PTP4A1: variants seen among roughly 807,000 people sequenced by gnomAD.
The protein encoded by PTP4A1 is protein tyrosine phosphatase type IVA 1.
A neutral mutation model predicts 20.5 loss-of-function variants in PTP4A1; 9 were observed. That is an observed-to-expected ratio of 0.44 (90% CI 0.26 to 0.77). The LOEUF is 0.77. Ranked by LOEUF, PTP4A1 falls within the 30% of genes least tolerant of loss-of-function variation. The pLI is 0.19. For synonymous variants in PTP4A1, 78 were observed against 67.4 expected, an observed-to-expected ratio of 1.16 and a Z score of -0.77; for missense variants, 137 against 218.8, an observed-to-expected ratio of 0.63 and a Z score of 2.36.
chr6:63,539,431 CATT>C (rs1337017129), intron 2 of PTP4A1, among the ~76,000 whole-genome samples: 3 of 152,144 alleles, frequency 2.0e-5, no homozygotes, highest in Non-Finnish European at 2.9e-5. Context: ...CATGTTTAAT[CATT>C]ATTCTTTATG....
At position 63,580,182 on chromosome 6, in the gene PTP4A1, G is replaced by T. The variant is rs1258211789; in HGVS notation, c.*8G>T. 19 of 1,586,180 alleles carry T rather than the reference G, an allele frequency of 1.2e-5. No homozygotes were observed. The highest frequency in any genetic ancestry group is 5.0e-5 in the Admixed American group (3 of 59,810). The stretch of plus-strand genomic sequence containing the variant: ...AACTGTTGCATTCAATAAAATTGGG[G>T]TGCCTAATGCTACTGGAAGTGGAAC... On this transcript the variant is annotated 3_prime_UTR_variant, in exon 6 of 6. Transcript: ENST00000626021.
At chr6:63,555,696 T>C (rs1562122817) in intron 3 of PTP4A1, among the ~76,000 whole-genome samples, 1 of 149,938 alleles carries the variant, frequency 6.7e-6, no homozygotes, top group African/African-American at 2.5e-5. Context: ...TACACTCTTT[T>C]TTTTTTTTTT....
chr6:63,540,032 C>T lies in PTP4A1; in HGVS notation c.-639-10268C>T, dbSNP rs79263446. Reference sequence around the variant, plus strand: ...GACACTGATACAGCCATCCAGAAGACAATCTAGAGTTTCTTGGTCAAATCA... The same window carrying T: ...GACACTGATACAGCCATCCAGAAGATAATCTAGAGTTTCTTGGTCAAATCA... On this transcript the variant is annotated intron_variant, in intron 2 of 3. Transcript: ENST00000639568. Among the ~76,000 whole-genome samples the T allele has an allele frequency of 5.1e-3, 782 of 152,258 alleles. 5 individuals carry two copies. Among genetic ancestry groups the T allele is most frequent in the African/African-American group, 0.018 (749 of 41,534 alleles).
At chr6:63,579,228 A>G in intron 4 of PTP4A1, 29 bp from the exon 5 acceptor site, 2 of 1,568,736 alleles carry the variant, frequency 1.3e-6, no homozygotes, top group South Asian at 1.2e-5. Context: ...TTTTGAAAAA[A>G]CTATTTATCA....
At chr6:63,574,045 T>C (rs1455862450) in intron 1 of PTP4A1, among the ~76,000 whole-genome samples, 1 of 152,162 alleles carries the variant, frequency 6.6e-6, no homozygotes, top group Non-Finnish European at 1.5e-5. Flanking sequence ...TATTAAGTTA[T>C]TTACACTACG....
At chr6:63,533,079 T>C (rs1174625259) in intron 2 of PTP4A1, among the ~76,000 whole-genome samples, 3 of 152,050 alleles carry the variant, frequency 2.0e-5, no homozygotes, top group Admixed American at 1.3e-4. Context: ...AGAGACTTGA[T>C]AGATTAAAAG....
intron 3 of PTP4A1, among the ~76,000 whole-genome samples, chr6:63,557,584 A>C (rs1776746134): frequency 6.6e-6 from 1 of 152,116 alleles, no homozygotes; most frequent in African/African-American, 2.4e-5. Flanking sequence ...AAAAATATAA[A>C]TTAATACTAG....
At chr6:63,534,688 C>T (rs2800038) in intron 2 of PTP4A1, among the ~76,000 whole-genome samples, 70,987 of 151,340 alleles carry the variant, frequency 0.47, 17,007 homozygotes, top group African/African-American at 0.54. Context: ...TGGCTCATGC[C>T]TGTAACCCCA....
intron 1 of PTP4A1, among the ~76,000 whole-genome samples, chr6:63,525,354 A>G (rs538335458): frequency 6.6e-6 from 1 of 152,152 alleles, no homozygotes; most frequent in Non-Finnish European, 1.5e-5. Flanking sequence ...GATTCTGCCA[A>G]TGGGGGAGCT....
intron 5 of PTP4A1, 109 bp from the exon 6 acceptor site, chr6:63,579,948 T>G: frequency 1.3e-6 from 1 of 767,802 alleles, no homozygotes; most frequent in Non-Finnish European, 2.2e-6. Flanking sequence ...ACAGCCTAAT[T>G]AATCAAAAGA....
intron 2 of PTP4A1, among the ~76,000 whole-genome samples, chr6:63,544,621 G>A (rs1187364985): frequency 1.3e-5 from 2 of 151,960 alleles, no homozygotes; most frequent in Non-Finnish European, 2.9e-5. Context: ...CTTAATAGTG[G>A]ATCAGTTATT....
chr6:63,524,956 G>A (rs1241429439), intron 1 of PTP4A1, among the ~76,000 whole-genome samples: 9 of 152,180 alleles, frequency 5.9e-5, no homozygotes, highest in Admixed American at 4.6e-4. Flanking sequence ...ACTTAAGAAA[G>A]TAAAATTAAT....
intron 3 of PTP4A1, among the ~76,000 whole-genome samples, chr6:63,559,117 C>T (rs890014211): frequency 1.3e-5 from 2 of 152,162 alleles, no homozygotes; most frequent in Non-Finnish European, 2.9e-5. Context: ...TGATGTTCAC[C>T]ATGTCCATTA....
At chr6:63,521,119 C>T (rs1300213454), upstream of PTP4A1, among the ~76,000 whole-genome samples, 1 of 151,842 alleles carries the variant, frequency 6.6e-6, no homozygotes, top group South Asian at 2.1e-4. Context: ...GCATGCGGGG[C>T]TTAAAACCTA....
chr6:63,549,071 C>G (rs750143751), intron 2 of PTP4A1: 5 of 716,356 alleles, frequency 7.0e-6, no homozygotes, highest in Non-Finnish European at 1.3e-5. Context: ...TATTCTCTAG[C>G]AAGGTGGTGA....
chr6:63,560,495 C>T (rs1014819469), intron 3 of PTP4A1, among the ~76,000 whole-genome samples: 5 of 151,038 alleles, frequency 3.3e-5, no homozygotes, highest in East Asian at 3.9e-4. Flanking sequence ...CTCTGCCTCC[C>T]GAGTTCAAGT....
upstream of PTP4A1, among the ~76,000 whole-genome samples, chr6:63,517,625 C>A (rs1774777191): frequency 1.3e-5 from 2 of 151,922 alleles, no homozygotes; most frequent in East Asian, 3.8e-4. Flanking sequence ...TATCTATCAA[C>A]ACACACACAC....
intron 2 of PTP4A1, among the ~76,000 whole-genome samples, chr6:63,530,397 C>A (rs1775400901): frequency 6.6e-6 from 1 of 152,058 alleles, no homozygotes; most frequent in Non-Finnish European, 1.5e-5. Flanking sequence ...AGTGGTTTGC[C>A]CTGCCTTTTA....
intron 2 of PTP4A1, among the ~76,000 whole-genome samples, chr6:63,546,300 T>G (rs1306574880): frequency 6.6e-6 from 1 of 152,206 alleles, no homozygotes; most frequent in African/African-American, 2.4e-5. Flanking sequence ...AGACACATAC[T>G]CTATGATCTC....
Sources: allele counts gnomAD v4.1 joint callset (sites outside exome capture counted in the v4.1 genomes callset), GRCh38; gene constraint gnomAD v4.1.1; transcripts MANE v1.5; gene names NCBI Gene and HGNC (gene_info 2026-07-23, HGNC 2026-07-21).